The following CDCA7L variants were observed in gnomAD, a reference collection of about 807,000 sequenced individuals.
CDCA7L encodes the protein cell division cycle-associated 7-like protein.
A neutral mutation model predicts 57.4 loss-of-function variants in CDCA7L; 44 were observed. That is an observed-to-expected ratio of 0.77 (90% CI 0.60 to 0.98). The LOEUF is 0.98. Among genes scored for constraint, CDCA7L ranks in the 50% least tolerant of loss-of-function variants. The pLI is 0.00. For missense variants in CDCA7L, 644 were observed against 580.6 expected, an observed-to-expected ratio of 1.11 and a Z score of -1.12; for synonymous variants, 236 against 202.8, an observed-to-expected ratio of 1.16 and a Z score of -1.39.
intron 5 of CDCA7L, 54 bp from the exon 6 acceptor site, chr7:21,906,510 G>T (rs531578692): frequency 1.9e-6 from 3 of 1,611,798 alleles, no homozygotes; most frequent in South Asian, 2.2e-5. Flanking sequence ...AATAAAAGCC[G>T]TCTGGTGGCT....
intron 2 of CDCA7L, among the ~76,000 whole-genome samples, chr7:21,915,773 AGCCAAGATCAT>A (rs1785465877): frequency 6.6e-6 from 1 of 152,066 alleles, no homozygotes; most frequent in Non-Finnish European, 1.5e-5. Context: ...AGTTGCAGTG[AGCCAAGATCAT>A]GCCACTGCAC....
intron 1 of CDCA7L, among the ~76,000 whole-genome samples, chr7:21,921,349 A>AAAAC (rs1405891328): frequency 1.3e-5 from 2 of 151,790 alleles, no homozygotes; most frequent in Non-Finnish European, 2.9e-5. Flanking sequence ...TGCCAAAAAA[A>AAAAC]AAAAAAAAAC....
At chr7:21,913,361 G>T (rs1378485506) in intron 2 of CDCA7L, among the ~76,000 whole-genome samples, 1 of 152,000 alleles carries the variant, frequency 6.6e-6, no homozygotes, top group Non-Finnish European at 1.5e-5. Context: ...ACACAAAAGG[G>T]AAGTTTCTTT....
rs915026247 is a variant in CDCA7L at position 21,926,635 on chromosome 7, G to A, written c.25-9741C>T. ...GCCTGTAATCCAAGCATTTTGGAAG[G>A]CTGAGGCAGGAGGATCACTTAAGCT... On this transcript the variant is annotated intron_variant, in intron 1 of 9. Coordinates refer to ENST00000406877, the MANE Select transcript of CDCA7L (RefSeq NM_018719.5). Among the ~76,000 whole-genome samples, 8 of 152,220 alleles carry A rather than the reference G, an allele frequency of 5.3e-5. No homozygotes were observed. The East Asian group carries it at 1.5e-3, about 29-fold the overall frequency.
At chr7:21,904,072 C>A in intron 8 of CDCA7L, 38 bp downstream of exon 8, 2 of 1,531,884 alleles carry the variant, frequency 1.3e-6, no homozygotes, top group Non-Finnish European at 1.8e-6. Context: ...GCTTCCTTCA[C>A]CAATACAATT....
intron 1 of CDCA7L, among the ~76,000 whole-genome samples, chr7:21,936,985 C>G (rs1366444722): frequency 6.6e-6 from 1 of 152,152 alleles, no homozygotes; most frequent in East Asian, 1.9e-4. Flanking sequence ...ACACAAAAAT[C>G]AACTATGCTT....
chr7:21,908,532 GCACA>G lies in CDCA7L; in HGVS notation c.304-29_304-26del, dbSNP rs748459254. Reference sequence around the variant, plus strand: ...CCTAATAAAATAAGAGCAAGAAAAAGCACAAAGACACTGTTACAGACCCACAAAA... The same window carrying G: ...CCTAATAAAATAAGAGCAAGAAAAAGAAGACACTGTTACAGACCCACAAAA... On this transcript the variant is annotated intron_variant, in intron 3 of 9. Coordinates refer to ENST00000406877, the MANE Select transcript of CDCA7L (RefSeq NM_018719.5). 3.1e-5 allele frequency: 46 copies of G among 1,490,894 alleles called. No individual in the cohort carries two copies. In the South Asian group the frequency reaches 6.7e-4, roughly 22 times the overall value. The allele number at this position is 1,490,894 out of a possible 1,614,324, so 92.4% of individuals were successfully genotyped here.
In CDCA7L at chr7:21,902,964, A is replaced by AGAGACTTACTTACCTCTCCAGATATTCC; in HGVS notation, c.1320_1334+13dup. 1 of 1,612,098 alleles carries AGAGACTTACTTACCTCTCCAGATATTCC rather than the reference A, an allele frequency of 6.2e-7. No individual in the cohort carries two copies. Among genetic ancestry groups the AGAGACTTACTTACCTCTCCAGATATTCC allele is most frequent in the Non-Finnish European group, 8.5e-7 (1 of 1,178,758 alleles). Reference sequence around the variant, plus strand: ...ATTTCAAGCTGTTTTGTAAGCTGCTAGAGACTTACTTACCTCTCCAGATAT... The same window carrying AGAGACTTACTTACCTCTCCAGATATTCC: ...ATTTCAAGCTGTTTTGTAAGCTGCTAGAGACTTACTTACCTCTCCAGATATTCCGAGACTTACTTACCTCTCCAGATAT... On this transcript the variant is annotated intron_variant, in intron 9 of 9. Transcript: ENST00000406877.
chr7:21,941,438 G>C (rs1351271307), intron 1 of CDCA7L, among the ~76,000 whole-genome samples: 2 of 152,208 alleles, frequency 1.3e-5, no homozygotes, highest in Non-Finnish European at 2.9e-5. Context: ...GGCACGGAGA[G>C]TAGGGGAAGC....
chr7:21,934,652 G>C (rs1287609748), intron 1 of CDCA7L, among the ~76,000 whole-genome samples: 4 of 151,916 alleles, frequency 2.6e-5, no homozygotes, highest in Non-Finnish European at 4.4e-5. Context: ...TTCAAAATAG[G>C]ATACAACTCT....
At chr7:21,905,652 G>A in intron 6 of CDCA7L, 21 bp from the exon 7 acceptor site, 1 of 1,610,818 alleles carries the variant, frequency 6.2e-7, no homozygotes, top group Non-Finnish European at 8.5e-7. Flanking sequence ...AACACAAGCA[G>A]AACATGGAGA....
intron 2 of CDCA7L, among the ~76,000 whole-genome samples, chr7:21,915,736 G>C (rs1319137096): frequency 6.6e-6 from 1 of 151,968 alleles, no homozygotes; most frequent in Non-Finnish European, 1.5e-5. Flanking sequence ...CTGAGGCTGG[G>C]AAAATTGCTT....
At chr7:21,928,030 C>G (rs1785880905) in intron 1 of CDCA7L, among the ~76,000 whole-genome samples, 1 of 152,196 alleles carries the variant, frequency 6.6e-6, no homozygotes, top group Non-Finnish European at 1.5e-5. Context: ...GAGACACTTC[C>G]CAGCAGGGGT....
intron 3 of CDCA7L, among the ~76,000 whole-genome samples, chr7:21,909,489 C>A (rs908755291): frequency 1.3e-5 from 2 of 152,056 alleles, no homozygotes; most frequent in Non-Finnish European, 2.9e-5. Context: ...CAACCCCAAA[C>A]TCTCGTTGGA....
rs150001398 is a variant in CDCA7L at position 21,923,374 on chromosome 7, T to A, written c.25-6480A>T. ...GGGTTGTGGTGGCGTGTGCCTGTAGTCCCAGCTACTCATGAAGCTAAAATG... is the reference window on the plus strand; with the variant it reads ...GGGTTGTGGTGGCGTGTGCCTGTAGACCCAGCTACTCATGAAGCTAAAATG... On this transcript the variant is annotated intron_variant, in intron 1 of 9. Coordinates refer to ENST00000406877, the MANE Select transcript of CDCA7L (RefSeq NM_018719.5). Among the ~76,000 whole-genome samples, 1,167 of 152,100 alleles carry A rather than the reference T, an allele frequency of 7.7e-3. 9 individuals are homozygous for A. Among genetic ancestry groups the A allele is most frequent in the Non-Finnish European group, 0.011 (743 of 67,986 alleles).
chr7:21,937,714 T>C (rs907702901), intron 1 of CDCA7L, among the ~76,000 whole-genome samples: 3 of 151,376 alleles, frequency 2.0e-5, no homozygotes, highest in Middle Eastern at 3.2e-3. Context: ...TACAAAGCTA[T>C]AGTAATCAAA....
At chr7:21,933,742 G>A (rs1033921137) in intron 1 of CDCA7L, among the ~76,000 whole-genome samples, 3 of 151,852 alleles carry the variant, frequency 2.0e-5, no homozygotes, top group African/African-American at 7.3e-5. Flanking sequence ...CATGGCACAT[G>A]TATACCTATG....
intron 2 of CDCA7L, among the ~76,000 whole-genome samples, chr7:21,916,081 C>T (rs1274061506): frequency 6.6e-6 from 1 of 152,118 alleles, no homozygotes. Context: ...CCTGGACTTG[C>T]CCAGTGGAAG....
In CDCA7L at chr7:21,902,076, GATA is replaced by G; in HGVS notation, c.*243_*245del. 4.0e-6 allele frequency: 2 copies of G among 505,264 alleles called. No homozygotes were observed. The highest frequency in any genetic ancestry group is 3.6e-6 in the Non-Finnish European group (1 of 281,396). The allele number at this position is 505,264 out of a possible 1,614,324, so 31.3% of individuals were successfully genotyped here. A position where few individuals can be genotyped will look rare whatever the true frequency, so the allele number is the denominator to read the frequency against. On this transcript the variant is annotated 3_prime_UTR_variant, in exon 10 of 10. Coordinates refer to ENST00000406877, the MANE Select transcript of CDCA7L (RefSeq NM_018719.5). Reference sequence around the variant, plus strand: ...AAACTGTGCTTTTTAATAACTGGCAGATATTTTTAACAAAGTTCAGCATACAGA... The same window carrying G: ...AAACTGTGCTTTTTAATAACTGGCAGTTTTTAACAAAGTTCAGCATACAGA...
Sources: gnomAD v4.1 joint callset for allele counts (sites outside exome capture counted in the v4.1 genomes callset) on GRCh38, gnomAD v4.1.1 for gene constraint, MANE v1.5 for transcripts, NCBI Gene and HGNC (gene_info 2026-07-23, HGNC 2026-07-21) for gene names.